The following SCFD2 variants were observed in gnomAD, a reference collection of about 807,000 sequenced individuals.
SCFD2 encodes the protein sec1 family domain containing 2.
SCFD2 carries 54 observed loss-of-function variants against 58.9 expected under a neutral mutation model. The observed-to-expected ratio is 0.92, with a 90% CI of 0.74 to 1.15. The LOEUF is 1.15. Among genes scored for constraint, SCFD2 ranks in the 50% most tolerant of loss-of-function variants. The pLI, the probability that SCFD2 is intolerant of heterozygous loss-of-function variation, is 0.00. For synonymous variants in SCFD2, 321 were observed against 335.9 expected, an observed-to-expected ratio of 0.96 and a Z score of 0.49; for missense variants, 805 against 836.6, an observed-to-expected ratio of 0.96 and a Z score of 0.47.
At chr4:53,082,361 C>T (rs1395487532) in intron 5 of SCFD2, among the ~76,000 whole-genome samples, 1 of 152,012 alleles carries the variant, frequency 6.6e-6, no homozygotes. Flanking sequence ...TTGTTATTGT[C>T]CTTTTTAGAT....
intron 5 of SCFD2, among the ~76,000 whole-genome samples, chr4:53,011,744 G>A (rs1474613800): frequency 5.9e-5 from 9 of 152,288 alleles, no homozygotes; most frequent in East Asian, 3.9e-4. Flanking sequence ...ACTGTGAAAC[G>A]CTTCAAGCTT....
At chr4:53,187,422 T>TA (rs1348855301) in intron 4 of SCFD2, among the ~76,000 whole-genome samples, 1 of 151,626 alleles carries the variant, frequency 6.6e-6, no homozygotes, top group African/African-American at 2.4e-5. Flanking sequence ...CATAAAAATC[T>TA]AAAAAAAGAA....
Position 53,216,846 on chromosome 4 carries a change from G to A in SCFD2, c.1311+56980C>T, listed in dbSNP as rs538082777. 1.5e-4 allele frequency among the ~76,000 whole-genome samples: 23 copies of A among 152,248 alleles called. No individual in the cohort carries two copies. The East Asian group carries it at 4.4e-3, about 29-fold the overall frequency. ...TGTCCCAGAGATTCTGGTATGTTGT[G>A]TCTTTGTTCTCATTGGTTTCAAAAA... On this transcript the variant is annotated intron_variant, in intron 4 of 8. Transcript: ENST00000401642.
intron 1 of SCFD2, among the ~76,000 whole-genome samples, chr4:53,354,244 G>A (rs1225812334): frequency 6.6e-6 from 1 of 152,254 alleles, no homozygotes; most frequent in East Asian, 1.9e-4. Flanking sequence ...GGAGGTGGCT[G>A]AGGCCTGGCG....
At chr4:52,984,629 C>T (rs74439173) in intron 5 of SCFD2, among the ~76,000 whole-genome samples, 7,095 of 152,286 alleles carry the variant, frequency 0.047, 235 homozygotes, top group Non-Finnish European at 0.07. Flanking sequence ...GCCTGTTCAC[C>T]ATGAATCCTA....
Position 53,365,599 on chromosome 4 carries a change from C to G in SCFD2, c.343G>C (p.Ala115Pro), listed in dbSNP as rs1734675750. 6.2e-7 allele frequency: 1 copy of G among 1,614,132 alleles called. No individual in the cohort carries two copies. Among genetic ancestry groups the G allele is most frequent in the Non-Finnish European group, 8.5e-7 (1 of 1,180,050 alleles). The change falls in exon 1 of 9, where the codon GCT becomes CCT. Residue 115 changes from alanine (A) to proline (P), a missense_variant. Physicochemically the swap from Ala to Pro is conservative, Grantham distance 27. Coordinates refer to ENST00000401642, the MANE Select transcript of SCFD2 (RefSeq NM_152540.4). The surrounding 1 kb of genome is among the most constrained non-coding windows in gnomAD (Gnocchi z 4.3). The part of the protein sequence containing the change: ...TTVSHAVHLT[A>P]NHVPAAAAAE... ...GCTGCCGCCGCTGGGACATGATTAG[C>G]TGTGAGGTGGACAGCGTGGCTCACG...
chr4:53,089,673 T>C (rs927365981), intron 5 of SCFD2, among the ~76,000 whole-genome samples: 15 of 152,172 alleles, frequency 9.9e-5, no homozygotes, highest in African/African-American at 3.6e-4. Context: ...GATTTTTTTC[T>C]ATACAGGCTA....
intron 3 of SCFD2, among the ~76,000 whole-genome samples, chr4:53,293,761 T>G (rs1350657400): frequency 6.6e-6 from 1 of 152,124 alleles, no homozygotes; most frequent in African/African-American, 2.4e-5. Context: ...TTTTGAGTTT[T>G]GGGGTACATG....
At chr4:53,247,484 C>G (rs1263032036) in intron 4 of SCFD2, among the ~76,000 whole-genome samples, 3 of 152,202 alleles carry the variant, frequency 2.0e-5, no homozygotes, top group African/African-American at 7.2e-5. Context: ...GACATGGAAT[C>G]AATCCAAATG....
chr4:52,952,498 C>T (rs1038283477), intron 5 of SCFD2, among the ~76,000 whole-genome samples: 1 of 152,000 alleles, frequency 6.6e-6, no homozygotes. Flanking sequence ...CAACAAGGCC[C>T]GTTTAATTTT....
chr4:52,965,105 G>C (rs1038274620), intron 5 of SCFD2, among the ~76,000 whole-genome samples: 3 of 152,030 alleles, frequency 2.0e-5, no homozygotes, highest in African/African-American at 7.3e-5. Flanking sequence ...TCTACATGCC[G>C]TAACCATCAT....
intron 7 of SCFD2, among the ~76,000 whole-genome samples, chr4:52,899,508 C>A (rs748725998): frequency 1.3e-5 from 2 of 152,180 alleles, no homozygotes; most frequent in African/African-American, 4.8e-5. Context: ...GGAGTTTCTG[C>A]GGAGAGATCT....
In SCFD2 at chr4:53,365,913, G is replaced by A. The variant is rs768623118; in HGVS notation, c.29C>T (p.Thr10Ile). The A allele has an allele frequency of 3.2e-6, 5 of 1,571,260 alleles. No individual in the cohort carries two copies. The South Asian group carries it at 5.8e-5, about 18-fold the overall frequency. MSASGVLSF[T>I]QQGWEQVLAK... ...CAGCACCTGCTCCCATCCTTGCTGG[G>A]TAAAGGACAGTACGCCCGAGGCGCT... Residue 10 changes from threonine to isoleucine, a missense_variant, in exon 1 of 9, where the codon ACC becomes ATC. Coordinates refer to ENST00000401642, the MANE Select transcript of SCFD2 (RefSeq NM_152540.4). This position sits in a 1 kb window ranked among gnomAD's most constrained non-coding sequence, Gnocchi z 4.3.
At chr4:52,952,832 C>T (rs1301813844) in intron 5 of SCFD2, among the ~76,000 whole-genome samples, 1 of 152,308 alleles carries the variant, frequency 6.6e-6, no homozygotes, top group East Asian at 1.9e-4. Context: ...TTCTCCCCCA[C>T]CTTTTCCCAG....
intron 4 of SCFD2, among the ~76,000 whole-genome samples, chr4:53,264,705 G>A (rs531506936): frequency 6.6e-6 from 1 of 152,280 alleles, no homozygotes; most frequent in South Asian, 2.1e-4. Flanking sequence ...GACTTAGAAA[G>A]TAAAATCTGC....
At chr4:53,200,624 T>A (rs1007828422) in intron 4 of SCFD2, among the ~76,000 whole-genome samples, 60 of 152,128 alleles carry the variant, frequency 3.9e-4, no homozygotes, top group African/African-American at 1.4e-3. Flanking sequence ...GGACAAGCGC[T>A]TGTCTCGTAA....
At chr4:52,977,240 T>C (rs1300436882) in intron 5 of SCFD2, among the ~76,000 whole-genome samples, 3 of 152,210 alleles carry the variant, frequency 2.0e-5, no homozygotes, top group Non-Finnish European at 4.4e-5. Context: ...TTGTTTAATA[T>C]AGAATCATTA....
chr4:53,129,333 A>G (rs1725721753), intron 5 of SCFD2, among the ~76,000 whole-genome samples: 1 of 152,250 alleles, frequency 6.6e-6, no homozygotes, highest in African/African-American at 2.4e-5. Context: ...CTTGGGACCA[A>G]TTCAGTCCAG....
chr4:52,960,891 C>T (rs151276604), intron 5 of SCFD2, among the ~76,000 whole-genome samples: 59 of 152,250 alleles, frequency 3.9e-4, no homozygotes, highest in African/African-American at 1.4e-3. Flanking sequence ...AGGACCTTAG[C>T]GCCTAATTTT....
Sources: allele counts gnomAD v4.1 joint callset (sites outside exome capture counted in the v4.1 genomes callset), GRCh38; gene constraint gnomAD v4.1.1; non-coding constraint Gnocchi (gnomAD v3.1); transcripts MANE v1.5; gene names NCBI Gene and HGNC (gene_info 2026-07-23, HGNC 2026-07-21).